Variants in TEAD1 observed in about 807,000 individuals in gnomAD.
The protein encoded by TEAD1 is transcriptional enhancer factor TEF-1.
TEAD1 carries 9 observed loss-of-function variants against 54.9 expected under a neutral mutation model. The ratio of observed to expected loss-of-function variants is 0.16; its 90% confidence interval spans 0.10 to 0.29. The LOEUF (loss-of-function observed/expected upper bound fraction) is 0.29. TEAD1 is among the 10% of genes least tolerant of loss of function. The pLI, the probability that TEAD1 is intolerant of heterozygous loss-of-function variation, is 1.00. For synonymous variants in TEAD1, 200 were observed against 187.8 expected (o/e 1.07, Z -0.53); for missense variants, 387 against 535.9 (o/e 0.72, Z 2.74).
At chr11:12,882,848 G>A in intron 8 of TEAD1, among the ~76,000 whole-genome samples, 153 bp from the exon 9 acceptor site, 1 of 152,208 alleles carries the variant, frequency 6.6e-6, no homozygotes, top group East Asian at 1.9e-4. Context: ...CCCTCTGCCA[G>A]CATCTGTCGT....
chr11:12,900,988 C>T (rs1589973545), intron 9 of TEAD1, among the ~76,000 whole-genome samples: 2 of 152,256 alleles, frequency 1.3e-5, no homozygotes, highest in East Asian at 3.9e-4. Context: ...AGTATAACGT[C>T]TAGACCAGTG....
At position 12,889,896 on chromosome 11, in the gene TEAD1, A is replaced by AT. The variant is rs371934051; in HGVS notation, c.699+6776dup. ...ACCACCACACCCAGCTGATTTCTGT[A>AT]TTTTTAGTAGAGATGGGGTTTTACT... On this transcript the variant is annotated intron_variant, in intron 9 of 12. Coordinates refer to ENST00000527636, the MANE Select transcript of TEAD1 (RefSeq NM_021961.6). 1.3e-3 allele frequency among the ~76,000 whole-genome samples: 203 copies of AT among 151,960 alleles called. 1 individual carries two copies. The highest frequency in any genetic ancestry group is 6.8e-3 in the Middle Eastern group (2 of 292).
intron 6 of TEAD1, among the ~76,000 whole-genome samples, chr11:12,880,366 A>G (rs962384925): frequency 6.6e-6 from 1 of 152,208 alleles, no homozygotes; most frequent in African/African-American, 2.4e-5. Context: ...CATTTTGCAG[A>G]TGAAAAAGCT....
chr11:12,712,205 A>C (rs1177278718), intron 2 of TEAD1, among the ~76,000 whole-genome samples: 1 of 152,156 alleles, frequency 6.6e-6, no homozygotes, highest in Non-Finnish European at 1.5e-5. Flanking sequence ...CCATCCATCC[A>C]TCCATCCAAT....
intron 2 of TEAD1, among the ~76,000 whole-genome samples, chr11:12,758,058 G>A (rs572171652): frequency 1.4e-3 from 217 of 152,274 alleles, no homozygotes; most frequent in Admixed American, 2.9e-3. Context: ...AGGCATTATA[G>A]GCGTGAACTG....
chr11:12,849,895 C>T (rs1245995594), intron 3 of TEAD1, among the ~76,000 whole-genome samples: 1 of 152,106 alleles, frequency 6.6e-6, no homozygotes, highest in Admixed American at 6.5e-5. Flanking sequence ...TAAGATATCA[C>T]AATAAGTGCT....
chr11:12,893,519 A>G (rs1325520875), intron 9 of TEAD1, among the ~76,000 whole-genome samples: 1 of 152,162 alleles, frequency 6.6e-6, no homozygotes, highest in African/African-American at 2.4e-5. Context: ...TTCTATAGAC[A>G]TTTCACAGAG....
intron 2 of TEAD1, among the ~76,000 whole-genome samples, chr11:12,759,658 C>T (rs1172614688): frequency 2.0e-5 from 3 of 152,092 alleles, no homozygotes; most frequent in Admixed American, 6.6e-5. Flanking sequence ...GTCAGGAGTT[C>T]GAGACCAGCC....
At chr11:12,852,316 T>G (rs556067966) in intron 3 of TEAD1, among the ~76,000 whole-genome samples, 173 of 151,936 alleles carry the variant, frequency 1.1e-3, no homozygotes, top group Non-Finnish European at 1.3e-3. Context: ...GATGTGGAGG[T>G]GAAAGAAAAG....
At chr11:12,817,460 T>C (rs2133997351) in intron 3 of TEAD1, among the ~76,000 whole-genome samples, 1 of 152,292 alleles carries the variant, frequency 6.6e-6, no homozygotes, top group African/African-American at 2.4e-5. Flanking sequence ...TGTAAACATT[T>C]TCCCTTTTTT....
intron 2 of TEAD1, among the ~76,000 whole-genome samples, chr11:12,742,434 G>A (rs1000931567): frequency 6.6e-6 from 1 of 152,172 alleles, no homozygotes; most frequent in Non-Finnish European, 1.5e-5. Flanking sequence ...GAGGTTTTGG[G>A]GGTGAGAGGG....
At chr11:12,684,698 G>C (rs187958047) in intron 2 of TEAD1, among the ~76,000 whole-genome samples, 115 of 152,202 alleles carry the variant, frequency 7.6e-4, no homozygotes, top group Non-Finnish European at 8.8e-5. Flanking sequence ...GTGCTGGCTC[G>C]GTAGGCTAGA....
intron 2 of TEAD1, among the ~76,000 whole-genome samples, chr11:12,737,171 A>G (rs1944552006): frequency 6.6e-6 from 1 of 152,140 alleles, no homozygotes; most frequent in African/African-American, 2.4e-5. Context: ...GTAGGGGGAA[A>G]AAAGGAATTG....
chr11:12,888,365 T>C (rs1948133603), intron 9 of TEAD1, among the ~76,000 whole-genome samples: 1 of 152,124 alleles, frequency 6.6e-6, no homozygotes, highest in Non-Finnish European at 1.5e-5. Context: ...AAAAATTAGC[T>C]GGGCATGGTG....
intron 2 of TEAD1, among the ~76,000 whole-genome samples, chr11:12,699,726 A>G (rs898351740): frequency 2.6e-5 from 4 of 152,252 alleles, no homozygotes; most frequent in African/African-American, 9.6e-5. Context: ...CCTCTGGTAC[A>G]TAGATGCCCA....
In TEAD1 at chr11:12,812,471, G is replaced by T. The variant is rs182713043; in HGVS notation, c.202+48037G>T. On this transcript the variant is annotated intron_variant, in intron 3 of 12. Coordinates refer to ENST00000527636, the MANE Select transcript of TEAD1 (RefSeq NM_021961.6). ...TGTCCTTATCCTGCAAGAGCTCAGAGCCTAATATGGACAGCAGATCTGTAA... is the reference window on the plus strand; with the variant it reads ...TGTCCTTATCCTGCAAGAGCTCAGATCCTAATATGGACAGCAGATCTGTAA... 1.6e-3 allele frequency among the ~76,000 whole-genome samples: 239 copies of T among 152,316 alleles called. No individual in the cohort carries two copies. In the South Asian group the frequency reaches 0.024, roughly 15 times the overall value.
At chr11:12,791,328 GCTTTGCT>G (rs2133961790) in intron 3 of TEAD1, among the ~76,000 whole-genome samples, 1 of 152,294 alleles carries the variant, frequency 6.6e-6, no homozygotes, top group Admixed American at 6.5e-5. Context: ...TGTTTCCCAG[GCTTTGCT>G]CTCCTGCATT....
chr11:12,761,413 TGCA>T (rs1945100996), intron 2 of TEAD1, among the ~76,000 whole-genome samples: 2 of 152,200 alleles, frequency 1.3e-5, no homozygotes, highest in South Asian at 4.1e-4. Flanking sequence ...ACACTAAGTG[TGCA>T]GTTATGATTC....
intron 2 of TEAD1, among the ~76,000 whole-genome samples, chr11:12,716,015 C>G (rs752719381): frequency 5.9e-5 from 9 of 151,956 alleles, no homozygotes; most frequent in Non-Finnish European, 1.2e-4. Flanking sequence ...CCCTCCCCAC[C>G]TTCCCCCCAA....
Sources: allele counts gnomAD v4.1 joint callset (sites outside exome capture counted in the v4.1 genomes callset), GRCh38; gene constraint gnomAD v4.1.1; transcripts MANE v1.5; gene names NCBI Gene and HGNC (gene_info 2026-07-23, HGNC 2026-07-21).